MED27: variants seen among roughly 807,000 people sequenced by gnomAD.
MED27 encodes the protein mediator of RNA polymerase II transcription subunit 27.
Under a neutral mutation model 38.2 loss-of-function variants are expected in MED27, and 30 were observed. The ratio of observed to expected loss-of-function variants is 0.79; its 90% CI spans 0.59 to 1.07. MED27 has a LOEUF of 1.07. Ranked by LOEUF, MED27 falls within the 50% of genes least tolerant of loss-of-function variation. MED27 has a pLI of 0.00. For missense variants in MED27, 289 were observed against 397.5 expected, an observed-to-expected ratio of 0.73 and a Z score of 2.32; for synonymous variants, 122 against 153.5, an observed-to-expected ratio of 0.79 and a Z score of 1.52.
chr9:131,957,897 T>TA (rs78725916), intron 3 of MED27, among the ~76,000 whole-genome samples: 2,732 of 129,178 alleles, frequency 0.021, 35 homozygotes, highest in Non-Finnish European at 0.028. Flanking sequence ...TGTCTCTATT[T>TA]AAAAAAAAAA....
At chr9:131,965,971 A>G (rs920489402) in intron 3 of MED27, among the ~76,000 whole-genome samples, 12 of 151,182 alleles carry the variant, frequency 7.9e-5, no homozygotes, top group African/African-American at 2.9e-4. Flanking sequence ...GCAAGACAGC[A>G]GGTGACCTTC....
At chr9:131,930,800 T>C (rs750518182) in intron 4 of MED27, among the ~76,000 whole-genome samples, 1 of 152,134 alleles carries the variant, frequency 6.6e-6, no homozygotes, top group Non-Finnish European at 1.5e-5. Context: ...ATAATAACTT[T>C]TCAAGATATA....
At chr9:131,908,874 TAAAA>T (rs34481836) in intron 4 of MED27, among the ~76,000 whole-genome samples, 2 of 137,086 alleles carry the variant, frequency 1.5e-5, no homozygotes, top group Non-Finnish European at 1.6e-5. Context: ...AATGATCAAT[TAAAA>T]AAAAAAAAAA....
chr9:132,076,558 G>A (rs1021003658), intron 2 of MED27, among the ~76,000 whole-genome samples: 2 of 152,100 alleles, frequency 1.3e-5, no homozygotes, highest in African/African-American at 2.4e-5. Flanking sequence ...CCACAGAAAC[G>A]AGGAAAATGA....
At chr9:131,863,368 C>A (rs550766256) in intron 6 of MED27, among the ~76,000 whole-genome samples, 1 of 152,074 alleles carries the variant, frequency 6.6e-6, no homozygotes, top group Non-Finnish European at 1.5e-5. Context: ...AGGCAGGGGG[C>A]GTGTGGAAGA....
At chr9:131,869,358 A>T (rs1296990957) in intron 6 of MED27, 3 of 984,380 alleles carry the variant, frequency 3.0e-6, no homozygotes, top group Non-Finnish European at 3.6e-6. Context: ...TTTTTTGCTC[A>T]GCATCCAAGA....
chr9:131,948,516 A>C (rs1442746155), intron 3 of MED27, among the ~76,000 whole-genome samples: 1 of 150,704 alleles, frequency 6.6e-6, no homozygotes, highest in Non-Finnish European at 1.5e-5. Flanking sequence ...AAAAAAAAAC[A>C]AAAAACCAAA....
chr9:131,869,589 A>C (rs569286178), intron 6 of MED27, among the ~76,000 whole-genome samples: 1 of 152,320 alleles, frequency 6.6e-6, no homozygotes, highest in South Asian at 2.1e-4. Flanking sequence ...GCAGGTTTGA[A>C]AAAAGGCTTG....
intron 3 of MED27, among the ~76,000 whole-genome samples, chr9:131,992,507 C>T (rs1589254029): frequency 6.6e-6 from 1 of 152,252 alleles, no homozygotes; most frequent in East Asian, 1.9e-4. Context: ...AAAGGATCCT[C>T]CCTCCTCAGG....
chr9:131,870,969 C>G (rs1399190342), intron 6 of MED27, among the ~76,000 whole-genome samples: 5 of 152,226 alleles, frequency 3.3e-5, no homozygotes, highest in Non-Finnish European at 5.9e-5. Flanking sequence ...TACAAGGCGG[C>G]TGCATCAGGT....
At chr9:131,991,986 G>T (rs1326008288) in intron 3 of MED27, among the ~76,000 whole-genome samples, 1 of 152,178 alleles carries the variant, frequency 6.6e-6, no homozygotes, top group Non-Finnish European at 1.5e-5. Context: ...CTCCCAAAGT[G>T]CTGGGATTAG....
At chr9:132,048,509 C>G (rs2131132099) in intron 2 of MED27, among the ~76,000 whole-genome samples, 1 of 152,278 alleles carries the variant, frequency 6.6e-6, no homozygotes, top group Admixed American at 6.5e-5. Context: ...TACAGAATGT[C>G]AAGCTGTCAC....
intron 4 of MED27, among the ~76,000 whole-genome samples, chr9:131,915,001 T>A (rs928359875): frequency 3.9e-5 from 6 of 152,122 alleles, no homozygotes; most frequent in Non-Finnish European, 5.9e-5. Context: ...AATGGCGACA[T>A]GAACAGGCAG....
At chr9:131,976,579 G>T (rs562889054) in intron 3 of MED27, among the ~76,000 whole-genome samples, 1 of 152,304 alleles carries the variant, frequency 6.6e-6, no homozygotes, top group East Asian at 1.9e-4. Context: ...TTACAAATAG[G>T]CCTTGCCAAT....
At chr9:131,986,696 T>C (rs1283898246) in intron 3 of MED27, among the ~76,000 whole-genome samples, 2 of 152,192 alleles carry the variant, frequency 1.3e-5, no homozygotes, top group African/African-American at 4.8e-5. Context: ...AATATATGTT[T>C]GCACAATGAT....
At chr9:131,890,880 G>C (rs1021846049) in intron 5 of MED27, among the ~76,000 whole-genome samples, 1 of 152,218 alleles carries the variant, frequency 6.6e-6, no homozygotes, top group Non-Finnish European at 1.5e-5. Context: ...GGCAAAGTTC[G>C]CTTTGTGCAG....
intron 6 of MED27, among the ~76,000 whole-genome samples, chr9:131,875,899 G>A (rs868639404): frequency 7.9e-5 from 12 of 152,182 alleles, no homozygotes; most frequent in African/African-American, 2.2e-4. Context: ...CATGACCCAC[G>A]CGCCCGGCTG....
intron 3 of MED27, among the ~76,000 whole-genome samples, chr9:131,951,841 A>G (rs2130986071): frequency 6.6e-6 from 1 of 152,386 alleles, no homozygotes; most frequent in South Asian, 2.1e-4. Context: ...ACCTCGAAGC[A>G]TGAGCTTTAA....
chr9:131,997,346 C>T lies in MED27; in HGVS notation c.479+16991G>A, dbSNP rs374867784. On this transcript the variant is annotated intron_variant, in intron 3 of 7. Coordinates refer to ENST00000292035, the MANE Select transcript of MED27 (RefSeq NM_004269.4). This position sits in a 1 kb window ranked among gnomAD's most constrained non-coding sequence, Gnocchi z 4.0. Reference sequence around the variant, plus strand: ...CGATCGACATACAGCCTCCAGCTATCGGCATGTTCAGGGTCAGCCTCTGCT... The same window carrying T: ...CGATCGACATACAGCCTCCAGCTATTGGCATGTTCAGGGTCAGCCTCTGCT... Among the ~76,000 whole-genome samples the T allele has an allele frequency of 1.3e-5, 2 of 152,152 alleles. No individual in the cohort carries two copies. The highest frequency in any genetic ancestry group is 6.5e-5 in the Admixed American group (1 of 15,276).
Sources: allele counts gnomAD v4.1 joint callset (sites outside exome capture counted in the v4.1 genomes callset), GRCh38; gene constraint gnomAD v4.1.1; non-coding constraint Gnocchi (gnomAD v3.1); transcripts MANE v1.5; gene names NCBI Gene and HGNC (gene_info 2026-07-23, HGNC 2026-07-21).